CCDC149: variants seen among roughly 807,000 people sequenced by gnomAD.
CCDC149 encodes coiled-coil domain-containing protein 149.
A neutral mutation model predicts 59.9 loss-of-function variants in CCDC149; 45 were observed. That is an observed-to-expected ratio of 0.75 (90% CI 0.59 to 0.96). The LOEUF (loss-of-function observed/expected upper bound fraction) is 0.96. Among genes scored for constraint, CCDC149 ranks in the 40% least tolerant of loss-of-function variants. CCDC149 has a pLI of 0.00. For missense variants in CCDC149, 584 were observed against 664.7 expected (o/e 0.88, Z 1.33); for synonymous variants, 245 against 260.6 (o/e 0.94, Z 0.58).
intron 12 of CCDC149, among the ~76,000 whole-genome samples, chr4:24,817,427 T>TG (rs1169537822): frequency 6.6e-6 from 1 of 151,982 alleles, no homozygotes; most frequent in Non-Finnish European, 1.5e-5. Flanking sequence ...CACAGGTACC[T>TG]GGGGGGTAAC....
At chr4:24,965,103 G>A (rs1436869409) in intron 1 of CCDC149, among the ~76,000 whole-genome samples, 1 of 151,120 alleles carries the variant, frequency 6.6e-6, no homozygotes, top group Non-Finnish European at 1.5e-5. Context: ...TTGAACTTCA[G>A]AAGGGAAAAA....
At chr4:24,918,461 C>T (rs2109335149) in intron 1 of CCDC149, among the ~76,000 whole-genome samples, 1 of 152,314 alleles carries the variant, frequency 6.6e-6, no homozygotes, top group South Asian at 2.1e-4. Flanking sequence ...GTGCCCCTCT[C>T]CCAGTTGGTA....
chr4:24,851,579 A>G (rs918071748), intron 4 of CCDC149, among the ~76,000 whole-genome samples: 1 of 152,242 alleles, frequency 6.6e-6, no homozygotes, highest in South Asian at 2.1e-4. Flanking sequence ...AAAAAAAAAG[A>G]AATAAAATAG....
chr4:24,822,669 G>C (rs552966382), intron 9 of CCDC149, 96 bp from the exon 10 acceptor site: 1 of 769,850 alleles, frequency 1.3e-6, no homozygotes, highest in Non-Finnish European at 2.0e-6. Context: ...AAAGTGTTGA[G>C]ATTTATGATA....
At chr4:24,961,269 G>A (rs766079275) in intron 1 of CCDC149, among the ~76,000 whole-genome samples, 10 of 152,144 alleles carry the variant, frequency 6.6e-5, no homozygotes, top group Non-Finnish European at 1.5e-4. Context: ...GGGTGCTCCA[G>A]ACGCCTCCAA....
intron 3 of CCDC149, among the ~76,000 whole-genome samples, chr4:24,871,042 CAAAAAAA>C (rs35580363): frequency 1.3e-5 from 1 of 77,988 alleles, no homozygotes. Flanking sequence ...GAGACTCCCT[CAAAAAAA>C]AAAAAAAAAA....
chr4:24,969,963 G>C (rs1201329630), intron 1 of CCDC149, among the ~76,000 whole-genome samples: 1 of 152,178 alleles, frequency 6.6e-6, no homozygotes, highest in Non-Finnish European at 1.5e-5. Flanking sequence ...TCTCCTCTGG[G>C]GGACATATGT....
intron 3 of CCDC149, among the ~76,000 whole-genome samples, chr4:24,856,339 AATGGGTGACATTAC>A (rs1255143333): frequency 7.2e-5 from 11 of 152,372 alleles, no homozygotes; most frequent in African/African-American, 2.6e-4. Context: ...ACTGACATCG[AATGGGTGACATTAC>A]ATTAACTACA....
intron 1 of CCDC149, among the ~76,000 whole-genome samples, chr4:24,945,624 C>CTTTT (rs33977689): frequency 4.9e-5 from 7 of 141,762 alleles, no homozygotes; most frequent in African/African-American, 1.3e-4. Context: ...TATGCCCTAA[C>CTTTT]TTTTTTTTTT....
chr4:24,821,406 C>A (rs916430935), intron 10 of CCDC149, among the ~76,000 whole-genome samples: 1 of 152,158 alleles, frequency 6.6e-6, no homozygotes, highest in Admixed American at 6.5e-5. Flanking sequence ...TTAACAGCAT[C>A]AAAAGATTCT....
At chr4:24,887,479 G>A (rs73250617) in intron 1 of CCDC149, among the ~76,000 whole-genome samples, 15,149 of 152,088 alleles carry the variant, frequency 0.1, 944 homozygotes, top group Non-Finnish European at 0.13. Flanking sequence ...AAACTTCTCA[G>A]CTGCAGACTC....
chr4:24,968,578 C>T (rs887217427), intron 1 of CCDC149, among the ~76,000 whole-genome samples: 1 of 152,242 alleles, frequency 6.6e-6, no homozygotes, highest in Non-Finnish European at 1.5e-5. Context: ...GAGCCTTCGC[C>T]ATTTAAGGAA....
intron 3 of CCDC149, among the ~76,000 whole-genome samples, chr4:24,864,632 G>GTGAATTAA (rs997404092): frequency 2.0e-5 from 3 of 152,164 alleles, no homozygotes; most frequent in African/African-American, 7.2e-5. Flanking sequence ...CTGGCCCTGC[G>GTGAATTAA]TGAATTAAAC....
chr4:24,969,766 C>T (rs1195243335), intron 1 of CCDC149, among the ~76,000 whole-genome samples: 1 of 152,174 alleles, frequency 6.6e-6, no homozygotes, highest in Non-Finnish European at 1.5e-5. Flanking sequence ...TGCTCCAGCT[C>T]CCCTGAAAGC....
chr4:24,847,150 T>C (rs1013569757), intron 4 of CCDC149, among the ~76,000 whole-genome samples: 1 of 152,148 alleles, frequency 6.6e-6, no homozygotes, highest in Non-Finnish European at 1.5e-5. Flanking sequence ...TTGTCTCTAC[T>C]TGGGGGGACA....
At chr4:24,874,743 C>A (rs948252233) in intron 2 of CCDC149, among the ~76,000 whole-genome samples, 2 of 152,184 alleles carry the variant, frequency 1.3e-5, no homozygotes, top group Non-Finnish European at 2.9e-5. Context: ...GGAATCTATT[C>A]TATTCTATTT....
intron 1 of CCDC149, among the ~76,000 whole-genome samples, chr4:24,960,449 C>A (rs146718150): frequency 4.1e-4 from 62 of 152,102 alleles, no homozygotes; most frequent in African/African-American, 1.3e-3. Flanking sequence ...CTATATATCC[C>A]AAATAAAATC....
intron 1 of CCDC149, among the ~76,000 whole-genome samples, chr4:24,876,956 T>G (rs1373120755): frequency 6.6e-6 from 1 of 152,168 alleles, no homozygotes; most frequent in African/African-American, 2.4e-5. Flanking sequence ...CATAAATGGG[T>G]AAACAGGTAG....
chr4:24,922,503 TG>T (rs1046999830), intron 1 of CCDC149, among the ~76,000 whole-genome samples: 2 of 152,214 alleles, frequency 1.3e-5, no homozygotes, highest in African/African-American at 4.8e-5. Context: ...GGCTGCAAGA[TG>T]GGGCATTTTG....
Sources: gnomAD v4.1 joint callset for allele counts (sites outside exome capture counted in the v4.1 genomes callset) on GRCh38, gnomAD v4.1.1 for gene constraint, MANE v1.5 for transcripts, NCBI Gene and HGNC (gene_info 2026-07-23, HGNC 2026-07-21) for gene names.